The following PRKG2 variants were observed in gnomAD, a reference collection of about 807,000 sequenced individuals.
PRKG2 encodes the protein cGMP-dependent protein kinase 2.
Under a neutral mutation model 97.2 loss-of-function variants are expected in PRKG2, and 33 were observed. The ratio of observed to expected loss-of-function variants is 0.34; its 90% CI spans 0.26 to 0.45. The LOEUF is 0.45. PRKG2 is among the 20% of genes least tolerant of loss of function. The pLI, the probability that PRKG2 is intolerant of heterozygous loss-of-function variation, is 1.00. For synonymous variants in PRKG2, 330 were observed against 321.8 expected (o/e 1.03, Z -0.27); for missense variants, 638 against 900.0 (o/e 0.71, Z 3.73).
chr4:81,130,801 C>T (rs909756458), intron 14 of PRKG2, among the ~76,000 whole-genome samples: 1 of 152,162 alleles, frequency 6.6e-6, no homozygotes, highest in African/African-American at 2.4e-5. Context: ...AAACTGCCTA[C>T]TCAAGCCTCG....
Position 81,089,287 on chromosome 4 carries a change from C to G in PRKG2, c.*421G>C, listed in dbSNP as rs1380757263. On this transcript the variant is annotated 3_prime_UTR_variant, in exon 19 of 19. Transcript: ENST00000264399. Reference sequence around the variant, plus strand: ...TGAAGTTGCTGAGAGCTGGGGAGCTCTCCAAAATTCACCATTGTTTTTCCT... The same window carrying G: ...TGAAGTTGCTGAGAGCTGGGGAGCTGTCCAAAATTCACCATTGTTTTTCCT... 6.5e-6 allele frequency: 1 copy of G among 153,220 alleles called. No individual in the cohort carries two copies. The highest frequency in any genetic ancestry group is 1.5e-5 in the Non-Finnish European group (1 of 68,814). 9.5% of individuals were successfully genotyped at this position (153,220 alleles called of 1,614,324 possible). A position where few individuals can be genotyped will look rare whatever the true frequency, so the allele number is the denominator to read the frequency against.
chr4:81,122,045 T>A (rs933731789), intron 14 of PRKG2, among the ~76,000 whole-genome samples: 1 of 152,152 alleles, frequency 6.6e-6, no homozygotes, highest in East Asian at 1.9e-4. Context: ...CTCACATGAG[T>A]TAATACATTC....
At chr4:81,195,049 C>T (rs1003383956) in intron 2 of PRKG2, among the ~76,000 whole-genome samples, 26 of 152,124 alleles carry the variant, frequency 1.7e-4, no homozygotes, top group Non-Finnish European at 1.5e-4. Flanking sequence ...ACAATGTAAA[C>T]TTAAGATTAA....
intron 6 of PRKG2, among the ~76,000 whole-genome samples, 171 bp from the exon 7 acceptor site, chr4:81,153,892 A>G (rs1287797532): frequency 1.3e-5 from 2 of 152,248 alleles, no homozygotes; most frequent in East Asian, 1.9e-4. Flanking sequence ...GACAGTGGGC[A>G]CAGGTCAGTG....
intron 10 of PRKG2, among the ~76,000 whole-genome samples, chr4:81,143,504 G>T (rs1747504323): frequency 6.6e-6 from 1 of 152,086 alleles, no homozygotes; most frequent in Non-Finnish European, 1.5e-5. Context: ...TTATGTCTAA[G>T]TAATATCCAT....
chr4:81,206,503 C>T (rs1290293948), intron 1 of PRKG2, among the ~76,000 whole-genome samples: 1 of 152,138 alleles, frequency 6.6e-6, no homozygotes, highest in Non-Finnish European at 1.5e-5. Context: ...AACTGTGAGT[C>T]CATTAAACCC....
intron 1 of PRKG2, among the ~76,000 whole-genome samples, chr4:81,211,039 G>C (rs1753945453): frequency 6.6e-6 from 1 of 152,060 alleles, no homozygotes. Flanking sequence ...CCAGGAGCTT[G>C]GGGAAAGACA....
intron 6 of PRKG2, among the ~76,000 whole-genome samples, chr4:81,158,241 A>T (rs1412811693): frequency 6.7e-6 from 1 of 150,252 alleles, no homozygotes; most frequent in Non-Finnish European, 1.5e-5. Flanking sequence ...GTCTCAGGAT[A>T]CAAAATCAAT....
intron 6 of PRKG2, among the ~76,000 whole-genome samples, chr4:81,159,926 A>T (rs1388226858): frequency 7.5e-6 from 1 of 133,906 alleles, no homozygotes; most frequent in East Asian, 2.2e-4. Flanking sequence ...ACATGGACAC[A>T]GGAAGGGGAA....
At chr4:81,210,663 TATACTC>T (rs1431802236) in intron 1 of PRKG2, among the ~76,000 whole-genome samples, 4 of 152,150 alleles carry the variant, frequency 2.6e-5, no homozygotes, top group Non-Finnish European at 5.9e-5. Context: ...CAAAGCTAAA[TATACTC>T]TTACTCTACA....
At chr4:81,198,684 T>G (rs1262678928) in intron 2 of PRKG2, among the ~76,000 whole-genome samples, 1 of 152,200 alleles carries the variant, frequency 6.6e-6, no homozygotes, top group Non-Finnish European at 1.5e-5. Flanking sequence ...GCAAGTTGAA[T>G]GACCCCAAGC....
At chr4:81,091,238 A>T (rs2109936751) in intron 18 of PRKG2, among the ~76,000 whole-genome samples, 1 of 152,260 alleles carries the variant, frequency 6.6e-6, no homozygotes, top group Non-Finnish European at 1.5e-5. Context: ...AGATTATAGT[A>T]GACATGTTTA....
At chr4:81,197,558 C>A (rs1176414305) in intron 2 of PRKG2, among the ~76,000 whole-genome samples, 2 of 152,162 alleles carry the variant, frequency 1.3e-5, no homozygotes, top group Admixed American at 6.5e-5. Flanking sequence ...GAAGCCTTAG[C>A]CACTACTAGT....
intron 2 of PRKG2, among the ~76,000 whole-genome samples, chr4:81,180,816 A>G (rs1358204824): frequency 6.6e-6 from 1 of 151,858 alleles, no homozygotes; most frequent in Non-Finnish European, 1.5e-5. Flanking sequence ...TAAATTCAGA[A>G]TACACATTCA....
chr4:81,120,076 T>C (rs1379229177), intron 14 of PRKG2, among the ~76,000 whole-genome samples: 2 of 152,172 alleles, frequency 1.3e-5, no homozygotes, highest in Admixed American at 1.3e-4. Context: ...CCTAACCTAG[T>C]AGGTAGACAA....
intron 10 of PRKG2, among the ~76,000 whole-genome samples, chr4:81,143,714 C>T (rs1436996561): frequency 4.6e-5 from 7 of 152,092 alleles, no homozygotes; most frequent in African/African-American, 1.7e-4. Flanking sequence ...CTTAAGCATT[C>T]ACTCTAAAAA....
intron 8 of PRKG2, among the ~76,000 whole-genome samples, chr4:81,149,511 G>A (rs763600139): frequency 7.2e-5 from 11 of 152,034 alleles, no homozygotes; most frequent in Admixed American, 6.6e-4. Context: ...TTGATAAATT[G>A]TAGTGTAATT....
chr4:81,214,397 T>C (rs1754167445), intron 1 of PRKG2, among the ~76,000 whole-genome samples: 1 of 151,826 alleles, frequency 6.6e-6, no homozygotes, highest in Non-Finnish European at 1.5e-5. Context: ...GTTTCTGGGC[T>C]TTGTTTGCTC....
intron 6 of PRKG2, among the ~76,000 whole-genome samples, chr4:81,154,859 T>G (rs1364793181): frequency 6.6e-6 from 1 of 152,030 alleles, no homozygotes; most frequent in Non-Finnish European, 1.5e-5. Flanking sequence ...GCAAAGAAGT[T>G]GAAAACTTTG....
Sources: allele counts gnomAD v4.1 joint callset (sites outside exome capture counted in the v4.1 genomes callset), GRCh38; gene constraint gnomAD v4.1.1; transcripts MANE v1.5; gene names NCBI Gene and HGNC (gene_info 2026-07-23, HGNC 2026-07-21).